SDCCAG8: variants seen among roughly 807,000 people sequenced by gnomAD.
SDCCAG8 encodes SHH signaling and ciliogenesis regulator SDCCAG8.
In SDCCAG8, 74 loss-of-function variants were observed where a neutral mutation model predicts 101.8. The observed-to-expected ratio is 0.73, with a 90% CI of 0.60 to 0.88. The LOEUF is 0.88. Ranked by LOEUF, SDCCAG8 falls within the 40% of genes least tolerant of loss-of-function variation. The pLI, the probability that SDCCAG8 is intolerant of heterozygous loss-of-function variation, is 0.00. For missense variants in SDCCAG8, 787 were observed against 822.6 expected, an observed-to-expected ratio of 0.96 and a Z score of 0.53; for synonymous variants, 281 against 292.9, an observed-to-expected ratio of 0.96 and a Z score of 0.41.
At chr1:243,368,092 T>G (rs2077085032) in intron 12 of SDCCAG8, among the ~76,000 whole-genome samples, 1 of 151,776 alleles carries the variant, frequency 6.6e-6, no homozygotes, top group Non-Finnish European at 1.5e-5. Flanking sequence ...GACACAGACG[T>G]GTAGTCCCAG....
At chr1:243,327,532 ATT>A (rs2074274152) in intron 9 of SDCCAG8, among the ~76,000 whole-genome samples, 7 of 144,422 alleles carry the variant, frequency 4.8e-5, no homozygotes, top group Admixed American at 4.8e-4. Flanking sequence ...ATAATTTATA[ATT>A]TTGTAGAAAT....
chr1:243,500,022 A>G lies in SDCCAG8; in HGVS notation c.*237A>G, dbSNP rs1669102356. ...ATGTTTTCAGAAATGGCTTGAAGTT[A>G]TGTGTTTAAATCTGCTCATTCGTAT... On this transcript the variant is annotated 3_prime_UTR_variant, in exon 18 of 18. Coordinates refer to ENST00000366541, the MANE Select transcript of SDCCAG8 (RefSeq NM_006642.5). The G allele has an allele frequency of 8.6e-6, 5 of 579,596 alleles. No individual in the cohort carries two copies. In the South Asian group the frequency reaches 1.1e-4, roughly 13 times the overall value. 35.9% of individuals were successfully genotyped at this position (579,596 alleles called of 1,614,324 possible).
intron 12 of SDCCAG8, among the ~76,000 whole-genome samples, chr1:243,377,236 TGAA>T (rs2077651150): frequency 6.6e-6 from 1 of 152,134 alleles, no homozygotes; most frequent in Non-Finnish European, 1.5e-5. Context: ...AATAAATTTT[TGAA>T]GTTTTAAAGT....
intron 12 of SDCCAG8, among the ~76,000 whole-genome samples, chr1:243,353,349 G>A (rs2076191545): frequency 6.6e-6 from 1 of 151,498 alleles, no homozygotes; most frequent in South Asian, 2.1e-4. Flanking sequence ...AAATTAGCCG[G>A]GTGTGGTGGC....
chr1:243,309,691 T>TG lies in SDCCAG8; in HGVS notation c.929+1518dup, dbSNP rs573827085. 7.8e-4 allele frequency among the ~76,000 whole-genome samples: 119 copies of TG among 152,212 alleles called. 2 individuals carry two copies. The South Asian group carries it at 0.024, about 31-fold the overall frequency. ...TTAAAAAAATTTTTTTTGGTAGAGA[T>TG]GGGGTCTCACTATGTTGCCCAGGCT... On this transcript the variant is annotated intron_variant, in intron 8 of 17. Transcript: ENST00000366541.
At chr1:243,377,830 C>CTTTT (rs34783752) in intron 12 of SDCCAG8, among the ~76,000 whole-genome samples, 2 of 144,974 alleles carry the variant, frequency 1.4e-5, no homozygotes, top group East Asian at 2.0e-4. Flanking sequence ...TCTGCCCTTT[C>CTTTT]TTTTTTTTTT....
intron 17 of SDCCAG8, among the ~76,000 whole-genome samples, chr1:243,495,711 G>T (rs1255912532): frequency 6.6e-6 from 1 of 152,210 alleles, no homozygotes; most frequent in Non-Finnish European, 1.5e-5. Context: ...GGGCGGTCCT[G>T]CTCGAAGGCC....
chr1:243,363,204 G>T (rs565432324), intron 12 of SDCCAG8, among the ~76,000 whole-genome samples: 9 of 152,264 alleles, frequency 5.9e-5, no homozygotes, highest in African/African-American at 2.2e-4. Context: ...CATGTGATTT[G>T]TTCTAATTGA....
intron 11 of SDCCAG8, among the ~76,000 whole-genome samples, chr1:243,343,072 C>T (rs2075476594): frequency 6.6e-6 from 1 of 152,234 alleles, no homozygotes; most frequent in Non-Finnish European, 1.5e-5. Flanking sequence ...AGCCATCCTT[C>T]TGCCTCAGCC....
At chr1:243,280,017 C>G (rs2068896577) in intron 4 of SDCCAG8, among the ~76,000 whole-genome samples, 1 of 152,134 alleles carries the variant, frequency 6.6e-6, no homozygotes, top group Non-Finnish European at 1.5e-5. Context: ...CACTAGTGAA[C>G]TTACCTGGGC....
chr1:243,400,242 C>T (rs982614106), intron 13 of SDCCAG8, among the ~76,000 whole-genome samples: 12 of 152,162 alleles, frequency 7.9e-5, no homozygotes, highest in South Asian at 4.1e-4. Context: ...TCAGTGTTTC[C>T]GAAATTTATA....
intron 12 of SDCCAG8, among the ~76,000 whole-genome samples, chr1:243,372,132 A>G (rs2077328835): frequency 6.6e-6 from 1 of 152,090 alleles, no homozygotes; most frequent in African/African-American, 2.4e-5. Flanking sequence ...ATATGTTTCA[A>G]TTTTCAGTAT....
At chr1:243,340,889 A>T in intron 10 of SDCCAG8, 150 bp from the exon 11 acceptor site, 1 of 763,090 alleles carries the variant, frequency 1.3e-6, no homozygotes, top group Non-Finnish European at 2.3e-6. Flanking sequence ...ATAGGTGAAT[A>T]GAGGAAGGAG....
intron 5 of SDCCAG8, 31 bp downstream of exon 5, chr1:243,286,428 T>A (rs2069623766): frequency 6.2e-7 from 1 of 1,611,958 alleles, no homozygotes; most frequent in South Asian, 1.1e-5. Flanking sequence ...TAAATTTTAT[T>A]TTAGTGTGAA....
chr1:243,338,034 C>G (rs886541074), intron 10 of SDCCAG8, among the ~76,000 whole-genome samples: 1 of 152,078 alleles, frequency 6.6e-6, no homozygotes, highest in African/African-American at 2.4e-5. Context: ...AATCCCCCTG[C>G]CTCAGCCTCC....
chr1:243,305,061 C>T (rs1270183406), intron 7 of SDCCAG8: 1 of 339,054 alleles, frequency 2.9e-6, no homozygotes, highest in African/African-American at 2.2e-5. Context: ...AATCCCAGCA[C>T]TTTGGGAGGC....
intron 8 of SDCCAG8, among the ~76,000 whole-genome samples, chr1:243,314,200 G>A (rs1394640082): frequency 9.2e-5 from 14 of 152,188 alleles, no homozygotes; most frequent in East Asian, 1.9e-4. Flanking sequence ...TGAAGCATGC[G>A]TTGCATTTGC....
At chr1:243,431,065 C>T (rs1183498845) in intron 16 of SDCCAG8, among the ~76,000 whole-genome samples, 7 of 151,964 alleles carry the variant, frequency 4.6e-5, no homozygotes, top group African/African-American at 1.7e-4. Context: ...TGTGTGGTGG[C>T]GAGCGCCTGT....
At chr1:243,376,182 GAC>G (rs1225698093) in intron 12 of SDCCAG8, among the ~76,000 whole-genome samples, 2 of 152,128 alleles carry the variant, frequency 1.3e-5, no homozygotes, top group African/African-American at 2.4e-5. Context: ...GTTCTTGAAA[GAC>G]AGAGGGAAAA....
Sources: allele counts gnomAD v4.1 joint callset (sites outside exome capture counted in the v4.1 genomes callset), GRCh38; gene constraint gnomAD v4.1.1; transcripts MANE v1.5; gene names NCBI Gene and HGNC (gene_info 2026-07-23, HGNC 2026-07-21).